TTN: variants seen among roughly 807,000 people sequenced by gnomAD.
TTN encodes titin.
A neutral mutation model predicts 3,223.0 loss-of-function variants in TTN; 1,525 were observed. That is an observed-to-expected ratio of 0.47 (90% CI 0.45 to 0.49). The LOEUF is 0.49. Among genes scored for constraint, TTN ranks in the 20% least tolerant of loss-of-function variants. The pLI, the probability that TTN is intolerant of heterozygous loss-of-function variation, is 0.00. For missense variants in TTN, 40,786 were observed against 43,424.0 expected (o/e 0.94, Z 5.40); for synonymous variants, 14,094 against 15,161.0 (o/e 0.93, Z 5.17).
chr2:178,696,284 G>A lies in TTN; in HGVS notation c.30803-15C>T, dbSNP rs397517535. The A allele has an allele frequency of 4.0e-6, 6 of 1,500,674 alleles. No individual in the cohort carries two copies. The Middle Eastern group carries it at 5.4e-4, about 135-fold the overall frequency. The allele number at this position is 1,500,674 out of a possible 1,614,324, so 93.0% of individuals were successfully genotyped here. Reference sequence around the variant, plus strand: ...GATTTCAGGAGCTAAAATAGATAAAGATACTATTAGCATATTAATTCTATC... The same window carrying A: ...GATTTCAGGAGCTAAAATAGATAAAAATACTATTAGCATATTAATTCTATC... On this transcript the variant is annotated splice_polypyrimidine_tract_variant and intron_variant, in intron 113 of 362. Transcript: ENST00000589042.
At position 178,567,345 on chromosome 2, in the gene TTN, G is replaced by C; in HGVS notation, c.78787C>G (p.Gln26263Glu). 3 of 1,598,864 alleles carry C rather than the reference G, an allele frequency of 1.9e-6. No individual in the cohort carries two copies. Among genetic ancestry groups the C allele is most frequent in the Non-Finnish European group, 2.6e-6 (3 of 1,174,572 alleles). ...VKDAIRIDGG[Q>E]YILRASNVAG... ...ACATTGGAAGCTCTTAAAATATACT[G>C]CCCACCATCAATTCTAATTGCATCT... Residue 26263 changes from glutamine (Q) to glutamate (E), a missense_variant, in exon 326 of 363, where the codon CAG becomes GAG. Transcript: ENST00000589042.
At chr2:178,666,450 G>A (rs1345480856) in intron 163 of TTN, among the ~76,000 whole-genome samples, 2 of 152,066 alleles carry the variant, frequency 1.3e-5, no homozygotes, top group Non-Finnish European at 2.9e-5. Flanking sequence ...CTAGGTTGGA[G>A]GATATTCTGG....
At chr2:178,785,286 G>C (rs749373577) in intron 15 of TTN, among the ~76,000 whole-genome samples, 2 of 152,134 alleles carry the variant, frequency 1.3e-5, no homozygotes, top group Non-Finnish European at 2.9e-5. Flanking sequence ...ACTATGCTGT[G>C]TAACACACTA....
At chr2:178,700,815 CTTTTTGTTATACATAG>C (rs1394110616) in intron 111 of TTN, among the ~76,000 whole-genome samples, 1 of 149,634 alleles carries the variant, frequency 6.7e-6, no homozygotes, top group East Asian at 1.9e-4. Context: ...TTCCATTATT[CTTTTTGTTATACATAG>C]TAGTTAGGAA....
rs779718522 is a variant in TTN, at chr2:178,672,714, A to G, written c.34787-11T>C. ...GAATTTTCTTTGACACTTTAAAGATATTAGGTGTTTTAGTTAGCTGAGAAT... is the reference window on the plus strand; with the variant it reads ...GAATTTTCTTTGACACTTTAAAGATGTTAGGTGTTTTAGTTAGCTGAGAAT... On this transcript the variant is annotated splice_polypyrimidine_tract_variant and intron_variant, in intron 152 of 362. Coordinates refer to ENST00000589042, the MANE Select transcript of TTN (RefSeq NM_001267550.2). 6.3e-7 allele frequency: 1 copy of G among 1,590,384 alleles called. No individual in the cohort carries two copies. Among genetic ancestry groups the G allele is most frequent in the South Asian group, 1.1e-5 (1 of 88,104 alleles).
chr2:178,532,467 A>G lies in TTN; in HGVS notation c.104148T>C (p.His34716=), dbSNP rs771573294. Residue 34716 remains histidine, a synonymous_variant, in exon 358 of 363, where the codon CAT becomes CAC. Transcript: ENST00000589042. ...CTTTTCTTGTTTCCTCCACCTTGAC[A>G]TGAGCTTGTGGTGAAGAGTAACGTA... ...SSLRYSSPQA[H]VKVEETRKDF... 6.2e-7 allele frequency: 1 copy of G among 1,613,974 alleles called. No homozygotes were observed. Among genetic ancestry groups the G allele is most frequent in the Non-Finnish European group, 8.5e-7 (1 of 1,179,864 alleles).
intron 47 of TTN, chr2:178,747,245 G>C: frequency 6.2e-7 from 1 of 1,612,980 alleles, no homozygotes; most frequent in Non-Finnish European, 8.5e-7. Flanking sequence ...TGGGGGTGTG[G>C]AGTATCTTTC....
In TTN at chr2:178,713,058, A is replaced by G. The variant is rs747192102; in HGVS notation, c.27049+27T>C. On this transcript the variant is annotated intron_variant, in intron 93 of 362. Transcript: ENST00000589042. ...CATGCTTAATAAACTATGAAATGCA[A>G]TTCATTTTACTGTTTTGTAAACTGA... 6.3e-5 allele frequency: 101 copies of G among 1,607,556 alleles called. No individual in the cohort carries two copies. The Middle Eastern group carries it at 9.9e-4, about 16-fold the overall frequency.
intron 200 of TTN, 55 bp downstream of exon 200, chr2:178,652,793 A>G: frequency 2.5e-6 from 4 of 1,605,984 alleles, no homozygotes; most frequent in Admixed American, 1.7e-5. Context: ...TAGAAAAAAT[A>G]TTTTCAAGAA....
chr2:178,609,383 T>C lies in TTN; in HGVS notation c.51927A>G (p.Gln17309=), dbSNP rs778571560. 1.2e-6 allele frequency: 2 copies of C among 1,612,310 alleles called. No individual in the cohort carries two copies. Among genetic ancestry groups the C allele is most frequent in the Non-Finnish European group, 1.7e-6 (2 of 1,179,034 alleles). ...GAGGCAGGACAAATGGTTCTTCTTCTTGAACTTCACCCTTCCTTCTCCTAA... is the reference window on the plus strand; with the variant it reads ...GAGGCAGGACAAATGGTTCTTCTTCCTGAACTTCACCCTTCCTTCTCCTAA... The part of the protein sequence containing the change: ...PLVRRRKGEV[Q]EEEPFVLPLT... Residue 17309 remains glutamine, a synonymous_variant, in exon 273 of 363, where the codon CAA becomes CAG. Coordinates refer to ENST00000589042, the MANE Select transcript of TTN (RefSeq NM_001267550.2).
rs369907507 is a variant in TTN, at chr2:178,560,655, T to C, written c.85477A>G (p.Thr28493Ala). ...IDYYIVEKRE[T>A]SHLAWTICEG... ...CATATTGTCCATGCAAGGTGGCTTG[T>C]TTCACGTTTTTCTACGATGTAATAG... Residue 28493 changes from threonine to alanine, a missense_variant, in exon 326 of 363, where the codon ACA (threonine) becomes GCA (alanine). Coordinates refer to ENST00000589042, the MANE Select transcript of TTN (RefSeq NM_001267550.2). 71 of 1,613,558 alleles carry C rather than the reference T, an allele frequency of 4.4e-5. No homozygotes were observed. Among genetic ancestry groups the C allele is most frequent in the Non-Finnish European group, 5.8e-5 (69 of 1,179,788 alleles).
At position 178,564,885 on chromosome 2, in the gene TTN, A is replaced by G. The variant is rs186273940; in HGVS notation, c.81247T>C (p.Ser27083Pro). The change falls in exon 326 of 363, where the codon TCA becomes CCA. Residue 27083 changes from serine to proline, a missense_variant. Transcript: ENST00000589042. Reference protein sequence around the residue: ...PGPPGTPFVTSISKDQMLVQW... With the variant: ...PGPPGTPFVTPISKDQMLVQW... ...ACAAGCATCTGATCTTTTGAGATTG[A>G]TGTCACAAAAGGAGTTCCAGGTGGT... The G allele has an allele frequency of 4.2e-4, 670 of 1,612,456 alleles. 3 individuals are homozygous for G. The highest frequency in any genetic ancestry group is 4.6e-4 in the Non-Finnish European group (545 of 1,179,388).
chr2:178,550,127 T>C lies in TTN; in HGVS notation c.91711A>G (p.Met30571Val), dbSNP rs777664993. The change falls in exon 337 of 363, where the codon ATG (methionine) becomes GTG (valine). Residue 30571 changes from methionine (M) to valine (V), a missense_variant. By Grantham distance (21) the Met-to-Val change is conservative. Coordinates refer to ENST00000589042, the MANE Select transcript of TTN (RefSeq NM_001267550.2). ...FKDGVEIEKRMNMEITDVLGS... is the reference protein window; with the variant it reads ...FKDGVEIEKRVNMEITDVLGS... ...AGTACGTCGGTTATTTCCATATTCATCCTCTTTTCGATTTCCACTCCATCT... is the reference window on the plus strand; with the variant it reads ...AGTACGTCGGTTATTTCCATATTCACCCTCTTTTCGATTTCCACTCCATCT... 6 of 1,613,798 alleles carry C rather than the reference T, an allele frequency of 3.7e-6. No homozygotes were observed. In the South Asian group the frequency reaches 5.5e-5, roughly 15 times the overall value.
Position 178,664,544 on chromosome 2 carries a change from A to C in TTN, c.36203-7T>G. 1 of 1,609,090 alleles carries C rather than the reference A, an allele frequency of 6.2e-7. No homozygotes were observed. The highest frequency in any genetic ancestry group is 8.5e-7 in the Non-Finnish European group (1 of 1,178,226). On this transcript the variant is annotated splice_region_variant and splice_polypyrimidine_tract_variant and intron_variant, in intron 167 of 362. Coordinates refer to ENST00000589042, the MANE Select transcript of TTN (RefSeq NM_001267550.2). ...TCTCTGAGAGCCTCCGGCACTTTGA[A>C]GATATTAATAATTTTACATTTAGAA...
Position 178,804,371 on chromosome 2 carries a change from T to C in TTN, c.91+181A>G, listed in dbSNP as rs188746351. 1.8e-3 allele frequency among the ~76,000 whole-genome samples: 276 copies of C among 152,346 alleles called. 1 individual carries two copies. Among genetic ancestry groups the C allele is most frequent in the Non-Finnish European group, 4.4e-4 (30 of 68,028 alleles). On this transcript the variant is annotated intron_variant, in intron 2 of 362. Transcript: ENST00000589042. ...GAATAAAACATTTCAAGCCATTATA[T>C]TGTCAGATTTTGTCAGTACTCTGTG...
At chr2:178,625,230 G>A (rs1276660394) in intron 241 of TTN, 43 bp downstream of exon 241, 6 of 1,589,684 alleles carry the variant, frequency 3.8e-6, no homozygotes, top group Admixed American at 1.8e-5. Flanking sequence ...TTGTTCATGA[G>A]CCTCTGCCTT....
rs1178246344 is a variant in TTN, at chr2:178,734,551, A to G, written c.15273T>C (p.Asn5091=). ...CTGAGACTTCACACTGAAGTAGAGC[A>G]TTTGTTCCTCTCACTATGTCTGCAG... ...LEPADIVRGT[N]ALLQCEVSGT... The change falls in exon 52 of 363, where the codon AAT becomes AAC. Residue 5091 remains asparagine (N), a synonymous_variant. Transcript: ENST00000589042. 10 of 1,605,460 alleles carry G rather than the reference A, an allele frequency of 6.2e-6. No homozygotes were observed. Among genetic ancestry groups the G allele is most frequent in the Non-Finnish European group, 7.7e-6 (9 of 1,174,834 alleles).
In TTN at chr2:178,766,637, AC is replaced by A. The variant is rs140501763; in HGVS notation, c.9472-26del. The A allele has an allele frequency of 0.042, 65,040 of 1,560,526 alleles. 2,784 individuals carry two copies. Among genetic ancestry groups the A allele is most frequent in the Admixed American group, 0.17 (10,044 of 59,582 alleles). ...CCTGTTGATGGAACAACATAAAAAA[AC>A]AACAACAACAACAAAAACTTGAAGC... On this transcript the variant is annotated intron_variant, in intron 40 of 362. Transcript: ENST00000589042.
intron 326 of TTN, 48 bp from the exon 327 acceptor site, chr2:178,558,685 T>G: frequency 6.4e-7 from 1 of 1,562,520 alleles, no homozygotes; most frequent in South Asian, 1.2e-5. Context: ...TTACAGCACT[T>G]TTAAATGTGC....
Sources: gnomAD v4.1 joint callset for allele counts (sites outside exome capture counted in the v4.1 genomes callset) on GRCh38, gnomAD v4.1.1 for gene constraint, MANE v1.5 for transcripts, NCBI Gene and HGNC (gene_info 2026-07-23, HGNC 2026-07-21) for gene names.